Variants in NFU1 observed in about 807,000 individuals in gnomAD.
The protein encoded by NFU1 is NFU1 iron-sulfur cluster scaffold.
NFU1 carries 30 observed loss-of-function variants against 32.2 expected under a neutral mutation model. The ratio of observed to expected loss-of-function variants is 0.93; its 90% confidence interval spans 0.70 to 1.26. The LOEUF (loss-of-function observed/expected upper bound fraction) is 1.26, where lower values mean the gene tolerates loss of function less well. Among genes scored for constraint, NFU1 ranks in the 50% most tolerant of loss-of-function variants. The probability of loss-of-function intolerance (pLI) is 0.00; values close to 1 mark genes in which losing one functional copy is unlikely to be tolerated. For missense variants in NFU1, 306 were observed against 306.6 expected, an observed-to-expected ratio of 1.00 and a Z score of 0.02; for synonymous variants, 112 against 104.6, an observed-to-expected ratio of 1.07 and a Z score of -0.43.
chr2:69,421,696 T>C (rs577206132), intron 3 of NFU1, among the ~76,000 whole-genome samples: 1 of 150,620 alleles, frequency 6.6e-6, no homozygotes, highest in African/African-American at 2.4e-5. Flanking sequence ...GCCTCCCGAG[T>C]GGCTAGGACT....
chr2:69,431,864 T>C, intron 2 of NFU1, 38 bp downstream of exon 2: 1 of 1,243,170 alleles, frequency 8.0e-7, no homozygotes, highest in Non-Finnish European at 1.2e-6. Context: ...TCCATCAGTT[T>C]CTGAAACACA....
intron 1 of NFU1, among the ~76,000 whole-genome samples, chr2:69,436,270 T>C (rs753289377): frequency 2.2e-4 from 34 of 152,200 alleles, no homozygotes; most frequent in Non-Finnish European, 4.1e-4. Flanking sequence ...TGCCAGGCCA[T>C]GCAGTAAGTG....
At chr2:69,403,055 T>C (rs903165937) in intron 6 of NFU1, among the ~76,000 whole-genome samples, 1 of 151,690 alleles carries the variant, frequency 6.6e-6, no homozygotes, top group African/African-American at 2.4e-5. Context: ...CTTTCTCTCT[T>C]TCTTTCATTG....
At chr2:69,434,336 G>A (rs1020426197) in intron 1 of NFU1, among the ~76,000 whole-genome samples, 2 of 150,120 alleles carry the variant, frequency 1.3e-5, no homozygotes, top group Non-Finnish European at 3.0e-5. Context: ...TAGAGACAGG[G>A]TTTCACCATC....
chr2:69,402,430 G>C (rs868397126), intron 6 of NFU1, among the ~76,000 whole-genome samples: 4 of 152,206 alleles, frequency 2.6e-5, no homozygotes, highest in Middle Eastern at 3.4e-3. Context: ...AAGCTCAAGG[G>C]AGCCTCCCCT....
At chr2:69,417,358 G>A (rs893371258) in intron 4 of NFU1, among the ~76,000 whole-genome samples, 3 of 151,766 alleles carry the variant, frequency 2.0e-5, no homozygotes, top group Middle Eastern at 3.2e-3. Context: ...AAATACCAAC[G>A]TGGGCCAGGC....
intron 5 of NFU1, among the ~76,000 whole-genome samples, chr2:69,414,705 A>G (rs1245280023): frequency 6.6e-6 from 1 of 151,712 alleles, no homozygotes; most frequent in Non-Finnish European, 1.5e-5. Context: ...ACTTACATGT[A>G]TAGTATAAAA....
chr2:69,432,265 T>C (rs1353509280), intron 1 of NFU1, among the ~76,000 whole-genome samples: 1 of 152,116 alleles, frequency 6.6e-6, no homozygotes, highest in Non-Finnish European at 1.5e-5. Flanking sequence ...CAGGATAATA[T>C]AACATTGAGG....
intron 4 of NFU1, among the ~76,000 whole-genome samples, chr2:69,417,853 T>C (rs1191696334): frequency 7.6e-6 from 1 of 131,400 alleles, no homozygotes; most frequent in East Asian, 2.2e-4. Context: ...TCAAGAAAAA[T>C]AGGAAAAAAA....
chr2:69,398,011 A>G (rs1027476021), intron 7 of NFU1, among the ~76,000 whole-genome samples: 2 of 152,130 alleles, frequency 1.3e-5, no homozygotes, highest in African/African-American at 2.4e-5. Context: ...GTTGAGTAAA[A>G]ATTGGTATTT....
chr2:69,403,899 T>C (rs1672605360), intron 6 of NFU1, among the ~76,000 whole-genome samples: 1 of 151,202 alleles, frequency 6.6e-6, no homozygotes, highest in South Asian at 2.1e-4. Flanking sequence ...AGTGCAGTGG[T>C]GCAATCTTGG....
At chr2:69,407,574 G>T (rs953728853) in intron 5 of NFU1, among the ~76,000 whole-genome samples, 3 of 150,148 alleles carry the variant, frequency 2.0e-5, no homozygotes, top group African/African-American at 7.4e-5. Context: ...CTACTCGGTA[G>T]GCTGACACGA....
intron 7 of NFU1, among the ~76,000 whole-genome samples, chr2:69,398,378 C>T (rs1672405512): frequency 6.6e-6 from 1 of 152,168 alleles, no homozygotes; most frequent in Non-Finnish European, 1.5e-5. Context: ...ATGTCATGTA[C>T]TGGACCAAAA....
At chr2:69,420,419 T>A (rs994985323) in intron 3 of NFU1, among the ~76,000 whole-genome samples, 1 of 152,226 alleles carries the variant, frequency 6.6e-6, no homozygotes, top group African/African-American at 2.4e-5. Flanking sequence ...TTTACTTTTT[T>A]AATACAAAAT....
chr2:69,405,847 A>G lies in NFU1; in HGVS notation c.545+175T>C, dbSNP rs573380899. Among the ~76,000 whole-genome samples, 140 of 152,298 alleles carry G rather than the reference A, an allele frequency of 9.2e-4. 1 individual carries two copies. The highest frequency in any genetic ancestry group is 1.4e-3 in the South Asian group (7 of 4,830). ...ATTGGATGTTTTAAAATTTTGAGTAAATGTAGAGAAGATACAGGCTTTAAA... is the reference window on the plus strand; with the variant it reads ...ATTGGATGTTTTAAAATTTTGAGTAGATGTAGAGAAGATACAGGCTTTAAA... On this transcript the variant is annotated intron_variant, in intron 6 of 7. Transcript: ENST00000410022.
intron 4 of NFU1, among the ~76,000 whole-genome samples, chr2:69,415,960 C>G (rs976281484): frequency 5.4e-4 from 80 of 149,156 alleles, no homozygotes; most frequent in African/African-American, 1.9e-3. Context: ...GACTTCGTCT[C>G]TTTTTATATT....
chr2:69,431,831 G>A, intron 2 of NFU1, 71 bp downstream of exon 2: 1 of 943,464 alleles, frequency 1.1e-6, no homozygotes. Flanking sequence ...CATCTTTTAT[G>A]ATCCACAAAA....
chr2:69,399,170 A>G (rs1463755838), intron 7 of NFU1: 1 of 281,270 alleles, frequency 3.6e-6, no homozygotes, highest in East Asian at 1.1e-4. Flanking sequence ...ATAGCGTGTC[A>G]CTGCACTCCA....
intron 1 of NFU1, 33 bp downstream of exon 1, chr2:69,437,328 A>T: frequency 6.3e-7 from 1 of 1,595,312 alleles, no homozygotes; most frequent in Non-Finnish European, 8.5e-7. Flanking sequence ...GCCCAGCGGC[A>T]CACCTATTCG....
Sources: allele counts gnomAD v4.1 joint callset (sites outside exome capture counted in the v4.1 genomes callset), GRCh38; gene constraint gnomAD v4.1.1; transcripts MANE v1.5; gene names NCBI Gene and HGNC (gene_info 2026-07-23, HGNC 2026-07-21).